The following HIVEP3 variants were observed in gnomAD, a reference collection of about 807,000 sequenced individuals.
HIVEP3 encodes transcription factor HIVEP3.
Under a neutral mutation model 152.8 loss-of-function variants are expected in HIVEP3, and 49 were observed. The ratio of observed to expected loss-of-function variants is 0.32; its 90% confidence interval spans 0.26 to 0.41. HIVEP3 has a LOEUF of 0.41. HIVEP3 is among the 10% of genes least tolerant of loss of function. The probability of loss-of-function intolerance (pLI) is 1.00; values close to 1 mark genes in which losing one functional copy is unlikely to be tolerated. For synonymous variants in HIVEP3, 1,269 were observed against 1,289.0 expected (o/e 0.98, Z 0.33); for missense variants, 2,790 against 3,103.3 (o/e 0.90, Z 2.40).
chr1:41,788,520 C>T (rs1049679029), intron 1 of HIVEP3, among the ~76,000 whole-genome samples: 7 of 152,216 alleles, frequency 4.6e-5, no homozygotes, highest in Admixed American at 1.3e-4. Flanking sequence ...CCCTCCCAGC[C>T]GGGATCAAAG....
At chr1:41,825,770 C>T (rs1642785411) in intron 1 of HIVEP3, among the ~76,000 whole-genome samples, 1 of 151,938 alleles carries the variant, frequency 6.6e-6, no homozygotes, top group Non-Finnish European at 1.5e-5. Flanking sequence ...CCATGCCTGG[C>T]TAAGTTTTGT....
chr1:41,568,129 C>T (rs1317548662), intron 5 of HIVEP3, among the ~76,000 whole-genome samples: 1 of 152,216 alleles, frequency 6.6e-6, no homozygotes, highest in East Asian at 1.9e-4. Context: ...AAACATAGTT[C>T]CTGCCCTCTC....
chr1:41,608,052 G>C (rs1043039950), intron 3 of HIVEP3, among the ~76,000 whole-genome samples: 4 of 152,190 alleles, frequency 2.6e-5, no homozygotes, highest in African/African-American at 4.8e-5. Flanking sequence ...GAGTGGCTGT[G>C]TGCCCTGCTA....
At chr1:41,739,583 C>A (rs1272137693) in intron 1 of HIVEP3, among the ~76,000 whole-genome samples, 1 of 152,132 alleles carries the variant, frequency 6.6e-6, no homozygotes, top group Non-Finnish European at 1.5e-5. Context: ...GTTGCCCCCA[C>A]CCCCTCTGCC....
At chr1:41,630,040 G>T (rs1645171774) in intron 2 of HIVEP3, among the ~76,000 whole-genome samples, 1 of 152,166 alleles carries the variant, frequency 6.6e-6, no homozygotes, top group South Asian at 2.1e-4. Context: ...GCCCATGAGT[G>T]GTGGATGAGG....
At chr1:41,899,724 C>T (rs1032854000) in intron 1 of HIVEP3, among the ~76,000 whole-genome samples, 5 of 152,214 alleles carry the variant, frequency 3.3e-5, no homozygotes, top group Admixed American at 3.3e-4. Flanking sequence ...ACCTAATGAG[C>T]ACGCTCATGA....
intron 1 of HIVEP3, among the ~76,000 whole-genome samples, chr1:41,717,818 G>A (rs1646616923): frequency 1.3e-5 from 2 of 152,206 alleles, no homozygotes; most frequent in Admixed American, 6.5e-5. Context: ...CCTGGCCAGA[G>A]GATGGACATT....
chr1:41,846,923 C>A (rs1051282526), intron 1 of HIVEP3, among the ~76,000 whole-genome samples: 1 of 152,216 alleles, frequency 6.6e-6, no homozygotes, highest in Non-Finnish European at 1.5e-5. Context: ...AACACCACTC[C>A]CTCATTCACT....
intron 1 of HIVEP3, among the ~76,000 whole-genome samples, chr1:41,898,838 T>C (rs191584216): frequency 4.6e-5 from 7 of 152,330 alleles, no homozygotes; most frequent in Non-Finnish European, 1.0e-4. Flanking sequence ...AGAAATAACA[T>C]AAAATCTAAG....
chr1:41,711,924 A>G (rs1433243601), intron 1 of HIVEP3, among the ~76,000 whole-genome samples: 1 of 152,260 alleles, frequency 6.6e-6, no homozygotes, highest in Non-Finnish European at 1.5e-5. Flanking sequence ...CTTGGAGGTC[A>G]GGACATGCAT....
intron 1 of HIVEP3, among the ~76,000 whole-genome samples, chr1:41,888,652 C>T (rs1644391564): frequency 6.6e-6 from 1 of 151,756 alleles, no homozygotes; most frequent in African/African-American, 2.4e-5. Flanking sequence ...TAAATTAGCT[C>T]CAGAATCAGT....
chr1:41,931,999 G>A (rs937928499), intron 1 of HIVEP3, among the ~76,000 whole-genome samples: 4 of 151,752 alleles, frequency 2.6e-5, no homozygotes, highest in Non-Finnish European at 1.5e-5. Flanking sequence ...GGAGTCATAA[G>A]AGAGAACATC....
At chr1:41,802,533 T>C (rs1345788359) in intron 1 of HIVEP3, among the ~76,000 whole-genome samples, 1 of 152,158 alleles carries the variant, frequency 6.6e-6, no homozygotes, top group Non-Finnish European at 1.5e-5. Context: ...TTTTTCTTTT[T>C]TTGGCTTTCA....
At chr1:41,697,764 T>C (rs1646299283) in intron 2 of HIVEP3, among the ~76,000 whole-genome samples, 1 of 152,226 alleles carries the variant, frequency 6.6e-6, no homozygotes, top group Non-Finnish European at 1.5e-5. Flanking sequence ...GCCCTCAGTC[T>C]TCCAGGGCCC....
intron 1 of HIVEP3, among the ~76,000 whole-genome samples, chr1:42,029,678 C>T (rs767564237): frequency 1.3e-5 from 2 of 152,128 alleles, no homozygotes; most frequent in Non-Finnish European, 2.9e-5. Flanking sequence ...GTCTTCACAC[C>T]AATGTTGTTG....
chr1:41,659,170 G>A (rs563585466), intron 2 of HIVEP3, among the ~76,000 whole-genome samples: 1 of 152,196 alleles, frequency 6.6e-6, no homozygotes, highest in East Asian at 1.9e-4. Flanking sequence ...TCTGCTACAG[G>A]GCCTTTGTAC....
At chr1:41,705,706 A>G (rs867418669) in intron 1 of HIVEP3, among the ~76,000 whole-genome samples, 6 of 152,202 alleles carry the variant, frequency 3.9e-5, no homozygotes, top group African/African-American at 1.2e-4. Context: ...ATGCTTTTGA[A>G]AGGCAACTTC....
intron 1 of HIVEP3, among the ~76,000 whole-genome samples, chr1:41,938,905 C>T (rs1289567697): frequency 6.6e-6 from 1 of 152,212 alleles, no homozygotes; most frequent in Non-Finnish European, 1.5e-5. Flanking sequence ...GATTGAAATG[C>T]TGCTGTTCAT....
At chr1:41,545,275 T>C (rs886360539) in intron 5 of HIVEP3, among the ~76,000 whole-genome samples, 362 of 37,764 alleles carry the variant, frequency 9.6e-3, no homozygotes, top group Middle Eastern at 0.034. Context: ...ACCACCACCA[T>C]CACTACCACC....
Sources: gnomAD v4.1 joint callset for allele counts (sites outside exome capture counted in the v4.1 genomes callset) on GRCh38, gnomAD v4.1.1 for gene constraint, MANE v1.5 for transcripts, NCBI Gene and HGNC (gene_info 2026-07-23, HGNC 2026-07-21) for gene names.